The following CLPTM1 variants were observed in gnomAD, a reference collection of about 807,000 sequenced individuals.
CLPTM1 encodes CLPTM1 regulator of GABA type A receptor forward trafficking, also known as putative lipid scramblase CLPTM1.
In CLPTM1, 21 loss-of-function variants were observed where a neutral mutation model predicts 77.3. The observed-to-expected ratio is 0.27, with a 90% CI of 0.19 to 0.39. The LOEUF (loss-of-function observed/expected upper bound fraction) is 0.39. CLPTM1 is among the 10% of genes least tolerant of loss of function. The probability of loss-of-function intolerance (pLI) is 1.00; values close to 1 mark genes in which losing one functional copy is unlikely to be tolerated. For missense variants in CLPTM1, 642 were observed against 921.2 expected (o/e 0.70, Z 3.92); for synonymous variants, 373 against 381.0 (o/e 0.98, Z 0.24).
intron 2 of CLPTM1, 84 bp downstream of exon 2, chr19:44,962,159 G>T: frequency 6.4e-6 from 5 of 781,860 alleles, no homozygotes; most frequent in South Asian, 1.9e-5. Flanking sequence ...GATCAGCTGA[G>T]GATGGTGATC....
chr19:44,966,233 A>T (rs571325822), intron 2 of CLPTM1, among the ~76,000 whole-genome samples: 36 of 152,266 alleles, frequency 2.4e-4, no homozygotes, highest in Middle Eastern at 3.4e-3. Flanking sequence ...AACACAGTGA[A>T]ACTGCATCTC....
chr19:44,971,808 C>T (rs1323591310), intron 2 of CLPTM1, among the ~76,000 whole-genome samples: 1 of 151,604 alleles, frequency 6.6e-6, no homozygotes, highest in Admixed American at 6.6e-5. Flanking sequence ...ATCCGCCTGC[C>T]TCAGCTTCCC....
At position 44,955,395 on chromosome 19, in the gene CLPTM1, G is replaced by A. The variant is rs904338385; in HGVS notation, c.-1G>A. The A allele has an allele frequency of 2.2e-6, 3 of 1,340,348 alleles. No individual in the cohort carries two copies. Among genetic ancestry groups the A allele is most frequent in the Admixed American group, 3.8e-5 (1 of 26,244 alleles). The allele number at this position is 1,340,348 out of a possible 1,614,324, so 83.0% of individuals were successfully genotyped here. A position where few individuals can be genotyped will look rare whatever the true frequency, so the allele number is the denominator to read the frequency against. On this transcript the variant is annotated 5_prime_UTR_variant, in exon 1 of 14. Coordinates refer to ENST00000337392, the MANE Select transcript of CLPTM1 (RefSeq NM_001294.4). ...CGGGGGCGGGGACCCGGAGCGGGAA[G>A]ATGGCGGCGGCGCAGGAGGCGGACG...
In CLPTM1 at chr19:44,991,944, T is replaced by TCC. The variant is rs1971082822; in HGVS notation, c.1556-289_1556-288insCC. On this transcript the variant is annotated intron_variant, in intron 12 of 13. Transcript: ENST00000337392. The surrounding 1 kb of genome is among the most constrained non-coding windows in gnomAD (Gnocchi z 5.4). ...CGGGTGAATCACAGCCAATAGTGAG[T>TCC]ACTGTGAAGGGCAGAGTGGTGGGAG... 2.0e-5 allele frequency among the ~76,000 whole-genome samples: 3 copies of TCC among 151,954 alleles called. No homozygotes were observed. The South Asian group carries it at 6.2e-4, about 32-fold the overall frequency.
intron 2 of CLPTM1, among the ~76,000 whole-genome samples, chr19:44,967,235 C>G (rs905338731): frequency 3.9e-5 from 6 of 152,142 alleles, no homozygotes; most frequent in African/African-American, 1.4e-4. Context: ...GGGAGGATCG[C>G]TTGAGCCCAG....
At chr19:44,964,380 G>T (rs2122246713) in intron 2 of CLPTM1, among the ~76,000 whole-genome samples, 2 of 132,102 alleles carry the variant, frequency 1.5e-5, no homozygotes, top group Middle Eastern at 0.01. Flanking sequence ...GTGCAATCTC[G>T]GCTCACTGCA....
chr19:44,989,769 T>C (rs185699923), intron 9 of CLPTM1, among the ~76,000 whole-genome samples: 74 of 152,090 alleles, frequency 4.9e-4, no homozygotes, highest in African/African-American at 1.7e-3. Flanking sequence ...AAGAGAGGGG[T>C]GTCCGTGGTG....
At position 44,990,791 on chromosome 19, in the gene CLPTM1, C is replaced by T; in HGVS notation, c.1324-59C>T. The T allele has an allele frequency of 6.8e-7, 1 of 1,471,800 alleles. No individual in the cohort carries two copies. Among genetic ancestry groups the T allele is most frequent in the South Asian group, 1.2e-5 (1 of 86,820 alleles). 91.2% of individuals were successfully genotyped at this position (1,471,800 alleles called of 1,614,324 possible). On this transcript the variant is annotated intron_variant, in intron 10 of 13. Transcript: ENST00000337392. The surrounding 1 kb of genome is among the most constrained non-coding windows in gnomAD (Gnocchi z 4.8). ...CGGTGGGGAAGGGCAGGGGCTGGTT[C>T]TGGCTTGTGGGGTGGGAGCCAGCGT...
chr19:44,964,298 C>CTTTTTTTTT (rs35539206), intron 2 of CLPTM1, among the ~76,000 whole-genome samples: 1,931 of 68,214 alleles, frequency 0.028, 350 homozygotes, highest in Non-Finnish European at 0.039. Context: ...TCATTTTAAC[C>CTTTTTTTTT]TTTTTTTTTT....
intron 1 of CLPTM1, among the ~76,000 whole-genome samples, chr19:44,958,768 C>T (rs897806383): frequency 6.6e-6 from 1 of 152,234 alleles, no homozygotes; most frequent in Non-Finnish European, 1.5e-5. Context: ...GCAGCCATCA[C>T]CACAGTCTGG....
In CLPTM1 at chr19:44,980,307, G is replaced by A. The variant is rs1035120100; in HGVS notation, c.586+2847G>A. On this transcript the variant is annotated intron_variant, in intron 5 of 13. Transcript: ENST00000337392. The stretch of plus-strand genomic sequence containing the variant: ...GCAGATCACTTGAGGTCAGGACTTC[G>A]AGACCAGCCTGGCCAACATGGTGAA... Among the ~76,000 whole-genome samples the A allele has an allele frequency of 1.3e-4, 20 of 151,992 alleles. No homozygotes were observed. In the East Asian group the frequency reaches 3.5e-3, roughly 27 times the overall value.
At chr19:44,986,977 G>A (rs1428239593) in intron 7 of CLPTM1, 1 of 652,952 alleles carries the variant, frequency 1.5e-6, no homozygotes, top group African/African-American at 1.8e-5. Flanking sequence ...GCCCCCTTCA[G>A]TGGGGACCTG....
At chr19:44,988,364 C>T (rs192090990) in intron 9 of CLPTM1, among the ~76,000 whole-genome samples, 191 bp downstream of exon 9, 2 of 152,296 alleles carry the variant, frequency 1.3e-5, no homozygotes, top group East Asian at 1.9e-4. Flanking sequence ...TCCCACCCAC[C>T]GGGTGTGGAG....
At chr19:44,978,873 G>A (rs1970847393) in intron 5 of CLPTM1, among the ~76,000 whole-genome samples, 1 of 152,108 alleles carries the variant, frequency 6.6e-6, no homozygotes, top group Non-Finnish European at 1.5e-5. Context: ...GCTGAGGTGG[G>A]AGAATCAGCA....
chr19:44,954,981 C>T, upstream of CLPTM1: 1 of 1,535,384 alleles, frequency 6.5e-7, no homozygotes. Context: ...GGTTCGAAGC[C>T]GTACAGTGGC....
At chr19:44,986,727 T>G in intron 7 of CLPTM1, 152 bp downstream of exon 7, 1 of 977,408 alleles carries the variant, frequency 1.0e-6, no homozygotes, top group South Asian at 1.7e-5. Context: ...CCTTCCCATG[T>G]CCTCTCCCTC....
At chr19:44,973,761 G>GTTTTTTTTTGTT in intron 3 of CLPTM1, among the ~76,000 whole-genome samples, 1 of 62,458 alleles carries the variant, frequency 1.6e-5, no homozygotes, top group Non-Finnish European at 3.9e-5. Context: ...GTCACAGTGG[G>GTTTTTTTTTGTT]TTTTTTTTTT....
intron 5 of CLPTM1, among the ~76,000 whole-genome samples, chr19:44,980,219 C>A (rs1426428977): frequency 1.3e-5 from 2 of 152,104 alleles, no homozygotes; most frequent in Non-Finnish European, 2.9e-5. Context: ...TCAGAAAAGC[C>A]CCCTTTTGGC....
intron 4 of CLPTM1, among the ~76,000 whole-genome samples, chr19:44,977,112 C>T (rs1332806331): frequency 1.3e-5 from 2 of 152,128 alleles, no homozygotes; most frequent in East Asian, 3.9e-4. Context: ...CCCTGAGGCT[C>T]AGAGAGAAGC....
Sources: allele counts gnomAD v4.1 joint callset (sites outside exome capture counted in the v4.1 genomes callset), GRCh38; gene constraint gnomAD v4.1.1; non-coding constraint Gnocchi (gnomAD v3.1); transcripts MANE v1.5; gene names NCBI Gene and HGNC (gene_info 2026-07-23, HGNC 2026-07-21).